SLC5A4: variants seen among roughly 807,000 people sequenced by gnomAD.
SLC5A4 encodes probable glucose sensor protein SLC5A4.
A neutral mutation model predicts 70.3 loss-of-function variants in SLC5A4; 55 were observed. The ratio of observed to expected loss-of-function variants is 0.78; its 90% confidence interval spans 0.63 to 0.98. SLC5A4 has a LOEUF of 0.98. SLC5A4 is among the 50% of genes least tolerant of loss of function. The pLI is 0.00. For synonymous variants in SLC5A4, 268 were observed against 305.7 expected, an observed-to-expected ratio of 0.88 and a Z score of 1.29; for missense variants, 735 against 839.2, an observed-to-expected ratio of 0.88 and a Z score of 1.53.
rs1482911977 is a variant in SLC5A4 at position 32,247,563 on chromosome 22, G to A, written c.373-48C>T. ...GGACTTAACTTACCCTTAGGGCCCT[G>A]TGCGTTCAGATTATTCAGCATTTCC... On this transcript the variant is annotated intron_variant, in intron 4 of 14. Transcript: ENST00000266086. 5.0e-6 allele frequency: 6 copies of A among 1,207,400 alleles called. No homozygotes were observed. The African/African-American group carries it at 6.0e-5, about 12-fold the overall frequency. The allele number at this position is 1,207,400 out of a possible 1,614,324, so 74.8% of individuals were successfully genotyped here. A position where few individuals can be genotyped will look rare whatever the true frequency, so the allele number is the denominator to read the frequency against.
the SLC5A4 span, among the ~76,000 whole-genome samples, chr22:32,316,934 CTGTGTGTGTGTGTG>C: frequency 1.3e-5 from 2 of 148,622 alleles, no homozygotes; most frequent in South Asian, 2.2e-4. Flanking sequence ...ATTAACAACT[CTGTGTGTGTGTGTG>C]TGTGTGTGTG....
chr22:32,346,711 G>A, the SLC5A4 span, among the ~76,000 whole-genome samples: 1 of 142,992 alleles, frequency 7.0e-6, no homozygotes. Context: ...ATTCAAGATG[G>A]ATTAAAGACT....
chr22:32,226,711 GT>G (rs1925419426), intron 11 of SLC5A4, among the ~76,000 whole-genome samples: 1 of 152,044 alleles, frequency 6.6e-6, no homozygotes, highest in Admixed American at 6.6e-5. Context: ...GACAAATCAT[GT>G]GCTTTCCCAA....
At chr22:32,240,670 G>C (rs1355414294) in intron 5 of SLC5A4, among the ~76,000 whole-genome samples, 1 of 152,014 alleles carries the variant, frequency 6.6e-6, no homozygotes, top group Non-Finnish European at 1.5e-5. Flanking sequence ...TTGAAACCTT[G>C]AAAGAATTCA....
intron 5 of SLC5A4, among the ~76,000 whole-genome samples, chr22:32,241,934 A>G (rs1239723294): frequency 1.3e-5 from 2 of 151,838 alleles, no homozygotes; most frequent in East Asian, 3.9e-4. Flanking sequence ...GTTGTGGAAG[A>G]GGGAACATAT....
upstream of SLC5A4, among the ~76,000 whole-genome samples, chr22:32,257,109 A>G (rs544248489): frequency 7.9e-5 from 12 of 152,360 alleles, no homozygotes; most frequent in Admixed American, 2.0e-4. Context: ...GCTAGTAGGT[A>G]TCAAGTGGGT....
intron 12 of SLC5A4, among the ~76,000 whole-genome samples, chr22:32,225,434 T>C (rs1925333907): frequency 6.6e-6 from 1 of 152,208 alleles, no homozygotes; most frequent in East Asian, 1.9e-4. Flanking sequence ...ACCATGTATG[T>C]ACGTAATATT....
chr22:32,257,357 T>C (rs548011532), upstream of SLC5A4, among the ~76,000 whole-genome samples: 3 of 152,322 alleles, frequency 2.0e-5, no homozygotes, highest in South Asian at 6.2e-4. Flanking sequence ...TTGTAGAATT[T>C]CCTTTTTATT....
the SLC5A4 span, among the ~76,000 whole-genome samples, chr22:32,325,895 G>C: frequency 1.3e-5 from 2 of 152,220 alleles, no homozygotes; most frequent in African/African-American, 4.8e-5. Context: ...TCTCGTCCAG[G>C]GCAGTGGCCT....
chr22:32,334,779 G>T, the SLC5A4 span, among the ~76,000 whole-genome samples: 1 of 152,216 alleles, frequency 6.6e-6, no homozygotes, highest in South Asian at 2.1e-4. Flanking sequence ...CACTGATCGG[G>T]GGACACATCT....
upstream of SLC5A4, among the ~76,000 whole-genome samples, chr22:32,257,249 A>G (rs1291476916): frequency 1.3e-5 from 2 of 152,194 alleles, no homozygotes; most frequent in South Asian, 2.1e-4. Context: ...TTTAAAAATT[A>G]TGTTGTATTC....
At chr22:32,266,030 C>T in the SLC5A4 span, among the ~76,000 whole-genome samples, 44 of 152,206 alleles carry the variant, frequency 2.9e-4, no homozygotes, top group South Asian at 8.7e-3. Context: ...AAGGAAAGGC[C>T]CCTACAGGAA....
the SLC5A4 span, among the ~76,000 whole-genome samples, chr22:32,339,764 C>T: frequency 2.6e-5 from 4 of 152,188 alleles, no homozygotes; most frequent in East Asian, 1.9e-4. Context: ...ACCCTCACCT[C>T]GTTTAAACCC....
At chr22:32,300,443 T>C in the SLC5A4 span, among the ~76,000 whole-genome samples, 1 of 152,156 alleles carries the variant, frequency 6.6e-6, no homozygotes. Context: ...CCGTCACCCC[T>C]TTCTTTGACT....
chr22:32,280,261 C>T, the SLC5A4 span, among the ~76,000 whole-genome samples: 2 of 152,052 alleles, frequency 1.3e-5, no homozygotes, highest in Non-Finnish European at 2.9e-5. Context: ...AGTGATCCAC[C>T]CCCCCTCAAC....
the SLC5A4 span, among the ~76,000 whole-genome samples, chr22:32,329,627 G>GTTGGCTCTGGGGTGTTTT: frequency 9.4e-6 from 1 of 106,598 alleles, no homozygotes; most frequent in African/African-American, 3.8e-5. Flanking sequence ...TGGTGTGTGT[G>GTTGGCTCTGGGGTGTTTT]TTGGAGGGCT....
the SLC5A4 span, among the ~76,000 whole-genome samples, chr22:32,329,611 T>TGGGG: frequency 2.0e-5 from 1 of 50,670 alleles, no homozygotes; most frequent in African/African-American, 8.6e-5. Context: ...GTGTGTGTGT[T>TGGGG]GGCTCTGGTG....
rs768350007 is a variant in SLC5A4, at chr22:32,247,430, C to T, written c.458G>A (p.Cys153Tyr). The T allele has an allele frequency of 2.5e-6, 4 of 1,612,688 alleles. No individual in the cohort carries two copies. Among genetic ancestry groups the T allele is most frequent in the Middle Eastern group, 1.7e-4 (1 of 6,058 alleles). Residue 153 changes from cysteine (C) to tyrosine (Y), a missense_variant, in exon 5 of 15, where the codon TGT becomes TAT. Coordinates refer to ENST00000266086, the MANE Select transcript of SLC5A4 (RefSeq NM_014227.3). ...VYLSILSLFI[C>Y]VVLLISADIF... ...ACTCACAGAAATTAACAAAACCACACAGATGAAGAGGGAGAGGATGGAGAG... is the reference window on the plus strand; with the variant it reads ...ACTCACAGAAATTAACAAAACCACATAGATGAAGAGGGAGAGGATGGAGAG...
chr22:32,273,253 A>G, the SLC5A4 span: 1 of 312,270 alleles, frequency 3.2e-6, no homozygotes, highest in African/African-American at 2.2e-5. Flanking sequence ...CTATAATGCA[A>G]TAAGGCCATT....
Sources: allele counts gnomAD v4.1 joint callset (sites outside exome capture counted in the v4.1 genomes callset), GRCh38; gene constraint gnomAD v4.1.1; transcripts MANE v1.5; gene names NCBI Gene and HGNC (gene_info 2026-07-23, HGNC 2026-07-21).